PISD: variants seen among roughly 807,000 people sequenced by gnomAD.
PISD encodes phosphatidylserine decarboxylase, also known as phosphatidylserine decarboxylase proenzyme, mitochondrial.
In PISD, 31 loss-of-function variants were observed where a neutral mutation model predicts 43.5. The observed-to-expected ratio is 0.71, with a 90% CI of 0.54 to 0.96. The LOEUF is 0.96. PISD is among the 40% of genes least tolerant of loss of function. The probability of loss-of-function intolerance (pLI) is 0.00; values close to 1 mark genes in which losing one functional copy is unlikely to be tolerated. For missense variants in PISD, 523 were observed against 548.4 expected (o/e 0.95, Z 0.46); for synonymous variants, 259 against 228.7 (o/e 1.13, Z -1.20).
intron 3 of PISD, among the ~76,000 whole-genome samples, chr22:31,631,670 C>T (rs2073210950): frequency 6.6e-6 from 1 of 152,200 alleles, no homozygotes; most frequent in African/African-American, 2.4e-5. Flanking sequence ...CCGACAAGCA[C>T]TCAGCCCACA....
chr22:31,637,159 AAAAAAATATATATATAT>A (rs1298562339), intron 3 of PISD, among the ~76,000 whole-genome samples: 168 of 27,666 alleles, frequency 6.1e-3, no homozygotes, highest in Middle Eastern at 0.019. Flanking sequence ...AAAAAAAAAA[AAAAAAATATATATATAT>A]ATATATATAT....
At chr22:31,659,298 A>G (rs867976849) in intron 1 of PISD, among the ~76,000 whole-genome samples, 2 of 152,200 alleles carry the variant, frequency 1.3e-5, no homozygotes, top group African/African-American at 4.8e-5. Flanking sequence ...ACCATGTATT[A>G]CAAGTATATA....
chr22:31,632,446 T>C (rs1312437715), intron 3 of PISD, among the ~76,000 whole-genome samples: 1 of 152,094 alleles, frequency 6.6e-6, no homozygotes, highest in Non-Finnish European at 1.5e-5. Flanking sequence ...GGTCCTCAAA[T>C]AGTGTCATCA....
At chr22:31,661,826 A>C (rs2074326651) in intron 1 of PISD, among the ~76,000 whole-genome samples, 1 of 152,144 alleles carries the variant, frequency 6.6e-6, no homozygotes, top group African/African-American at 2.4e-5. Context: ...CACACGAGAA[A>C]ATGGCATCTG....
At chr22:31,643,083 CA>C (rs2073783476) in intron 3 of PISD, among the ~76,000 whole-genome samples, 1 of 113,226 alleles carries the variant, frequency 8.8e-6, no homozygotes, top group Non-Finnish European at 1.8e-5. Flanking sequence ...GCCTGGGCAA[CA>C]AGAGCAAAAT....
chr22:31,656,681 T>C (rs529664109), intron 1 of PISD, among the ~76,000 whole-genome samples: 58 of 150,068 alleles, frequency 3.9e-4, no homozygotes, highest in African/African-American at 1.1e-3. Context: ...AATAAATAAA[T>C]AAACAAAACA....
chr22:31,632,042 T>A (rs55931230), intron 3 of PISD: 7,219 of 161,138 alleles, frequency 0.045, 142 homozygotes, highest in Non-Finnish European at 0.05. Context: ...CCTCTTTTTT[T>A]AAACCAAAAA....
rs970839000 is a variant in PISD at position 31,618,850 on chromosome 22, C to G, written c.*762G>C. The G allele has an allele frequency of 1.2e-5, 2 of 160,484 alleles. No homozygotes were observed. Among genetic ancestry groups the G allele is most frequent in the African/African-American group, 4.8e-5 (2 of 41,550 alleles). 9.9% of individuals were successfully genotyped at this position (160,484 alleles called of 1,614,324 possible). A position where few individuals can be genotyped will look rare whatever the true frequency, so the allele number is the denominator to read the frequency against. Reference sequence around the variant, plus strand: ...AGGGGGACAGGAACTCTCCCATTTCCCCAGCTGGGCCTACTACCTGCCTGC... The same window carrying G: ...AGGGGGACAGGAACTCTCCCATTTCGCCAGCTGGGCCTACTACCTGCCTGC... On this transcript the variant is annotated 3_prime_UTR_variant, in exon 8 of 8. Transcript: ENST00000439502.
At chr22:31,647,389 C>G (rs1569491148) in intron 3 of PISD, among the ~76,000 whole-genome samples, 1 of 152,204 alleles carries the variant, frequency 6.6e-6, no homozygotes, top group Non-Finnish European at 1.5e-5. Context: ...GAGTGGATCA[C>G]CACTGCATTC....
chr22:31,627,207 T>C (rs999691568), intron 3 of PISD, among the ~76,000 whole-genome samples: 2 of 152,144 alleles, frequency 1.3e-5, no homozygotes, highest in African/African-American at 4.8e-5. Flanking sequence ...CTGGGGCTGG[T>C]CCAGGCCCCT....
At chr22:31,653,906 G>A (rs1417370583) in intron 1 of PISD, among the ~76,000 whole-genome samples, 1 of 152,090 alleles carries the variant, frequency 6.6e-6, no homozygotes, top group African/African-American at 2.4e-5. Context: ...ATCTTATTAC[G>A]GGATCGTCCC....
rs1287731770 is a variant in PISD at position 31,656,327 on chromosome 22, C to CA, written c.66-5550dup. Among the ~76,000 whole-genome samples the CA allele has an allele frequency of 3.3e-5, 5 of 150,852 alleles. No homozygotes were observed. The East Asian group carries it at 7.9e-4, about 24-fold the overall frequency. On this transcript the variant is annotated intron_variant, in intron 1 of 7. Coordinates refer to ENST00000439502, the MANE Select transcript of PISD (RefSeq NM_001326411.2). ...CCACTGCACTCCAGCCTGGGCATGA[C>CA]AGAGCGAGACTCTGTCTGAAAAAAA...
rs1031782179 is a variant in PISD at position 31,619,941 on chromosome 22, C to G, written c.1006-105G>C. The G allele has an allele frequency of 2.3e-5, 17 of 730,934 alleles. 1 individual carries two copies. The South Asian group carries it at 3.0e-4, about 13-fold the overall frequency. 45.3% of individuals were successfully genotyped at this position (730,934 alleles called of 1,614,324 possible). On this transcript the variant is annotated intron_variant, in intron 7 of 7. Transcript: ENST00000439502. The stretch of plus-strand genomic sequence containing the variant: ...CTCCCTCTGTTGCTTGTCCCCACCA[C>G]CACCCAACCCAGCTCCAAAAGGGAG...
At chr22:31,623,872 C>A (rs2072725604) in intron 3 of PISD, 6 of 1,603,324 alleles carry the variant, frequency 3.7e-6, no homozygotes, top group Non-Finnish European at 5.1e-6. Flanking sequence ...GGTCCATGCA[C>A]AGCCAGGTCA....
At chr22:31,623,939 C>T in intron 3 of PISD, 2 of 1,252,846 alleles carry the variant, frequency 1.6e-6, no homozygotes, top group Non-Finnish European at 2.2e-6. Context: ...GGGCAGGATT[C>T]CTCCTGTCTA....
At chr22:31,620,471 C>T (rs1193785026) in intron 7 of PISD, 82 bp downstream of exon 7, 15 of 1,396,654 alleles carry the variant, frequency 1.1e-5, no homozygotes, top group African/African-American at 2.8e-5. Context: ...TCAGTCCCAA[C>T]GCATCCGCCG....
In PISD at chr22:31,636,744, G is replaced by A. The variant is rs373819488; in HGVS notation, c.321+11357C>T. Among the ~76,000 whole-genome samples the A allele has an allele frequency of 2.4e-3, 370 of 151,384 alleles. 2 individuals carry two copies. Among genetic ancestry groups the A allele is most frequent in the African/African-American group, 7.6e-3 (313 of 41,198 alleles). On this transcript the variant is annotated intron_variant, in intron 3 of 7. Transcript: ENST00000439502. ...TTTTTAGTAGAGACGGGGTTTCAAC[G>A]TGTTAGCCAGGATGGTCTCGATCTC...
At chr22:31,620,925 A>T in intron 6 of PISD, 71 bp downstream of exon 6, 1 of 1,508,378 alleles carries the variant, frequency 6.6e-7, no homozygotes, top group Non-Finnish European at 8.9e-7. Flanking sequence ...TGGTCCCCCA[A>T]CACCAAGAAG....
intron 3 of PISD, chr22:31,623,756 G>A (rs759936162): frequency 3.5e-5 from 57 of 1,614,090 alleles, no homozygotes; most frequent in African/African-American, 6.7e-5. Context: ...AGTAGAGGAC[G>A]GTCAAGGGCC....
Sources: allele counts gnomAD v4.1 joint callset (sites outside exome capture counted in the v4.1 genomes callset), GRCh38; gene constraint gnomAD v4.1.1; transcripts MANE v1.5; gene names NCBI Gene and HGNC (gene_info 2026-07-23, HGNC 2026-07-21).